Variants in MTFR1 observed in about 807,000 individuals in gnomAD.
The protein encoded by MTFR1 is chondrocyte protein with a poly-proline region.
Under a neutral mutation model 38.8 loss-of-function variants are expected in MTFR1, and 28 were observed. The ratio of observed to expected loss-of-function variants is 0.72; its 90% CI spans 0.53 to 0.99. MTFR1 has a LOEUF of 0.99. Among genes scored for constraint, MTFR1 ranks in the 50% least tolerant of loss-of-function variants. The pLI is 0.00. For missense variants in MTFR1, 358 were observed against 395.5 expected (o/e 0.91, Z 0.81); for synonymous variants, 145 against 137.0 (o/e 1.06, Z -0.41).
At chr8:65,752,540 T>C (rs1436877656) in intron 3 of MTFR1, among the ~76,000 whole-genome samples, 1 of 152,208 alleles carries the variant, frequency 6.6e-6, no homozygotes, top group Non-Finnish European at 1.5e-5. Flanking sequence ...TTTTTGCCCT[T>C]GTAAGTGACT....
chr8:65,768,386 G>T (rs1231237749), intron 3 of MTFR1, among the ~76,000 whole-genome samples: 1 of 152,046 alleles, frequency 6.6e-6, no homozygotes, highest in Non-Finnish European at 1.5e-5. Context: ...AATCATGGGG[G>T]TGCTAATTCT....
At chr8:65,697,169 G>A (rs1203813937) in intron 4 of MTFR1, among the ~76,000 whole-genome samples, 1 of 151,588 alleles carries the variant, frequency 6.6e-6, no homozygotes, top group Non-Finnish European at 1.5e-5. Flanking sequence ...ATTTTTAGTA[G>A]AGACGGAGTT....
chr8:65,712,645 G>A (rs1178763468), downstream of MTFR1, among the ~76,000 whole-genome samples: 1 of 152,172 alleles, frequency 6.6e-6, no homozygotes, highest in Non-Finnish European at 1.5e-5. Context: ...AGAAGATTAG[G>A]TAACCTGCCT....
At chr8:65,686,284 C>T (rs1006993018) in intron 3 of MTFR1, among the ~76,000 whole-genome samples, 2 of 152,108 alleles carry the variant, frequency 1.3e-5, no homozygotes, top group Admixed American at 6.6e-5. Context: ...AATTTTGACA[C>T]TGTGGAGCCC....
intron 3 of MTFR1, chr8:65,725,661 G>A (rs1158108906): frequency 6.6e-6 from 1 of 152,006 alleles, no homozygotes; most frequent in African/African-American, 2.4e-5. Flanking sequence ...GATCAGTAAA[G>A]AGCTGTCAAA....
chr8:65,742,321 C>T (rs1221584442), intron 3 of MTFR1, among the ~76,000 whole-genome samples: 3 of 152,208 alleles, frequency 2.0e-5, no homozygotes, highest in African/African-American at 7.2e-5. Flanking sequence ...CTAGTGTCCT[C>T]ATGAACCAGG....
intron 2 of MTFR1, chr8:65,679,552 G>T (rs988095496): frequency 1.3e-5 from 2 of 152,336 alleles, no homozygotes; most frequent in Admixed American, 6.5e-5. Context: ...GAACCTGGAG[G>T]GGGCAGAGGT....
chr8:65,743,102 T>C (rs1452355446), intron 3 of MTFR1, among the ~76,000 whole-genome samples: 2 of 152,120 alleles, frequency 1.3e-5, no homozygotes, highest in African/African-American at 2.4e-5. Context: ...AGTGTCCCAG[T>C]AGACTAATAA....
chr8:65,716,382 G>C (rs1806146364), intron 2 of MTFR1, among the ~76,000 whole-genome samples: 1 of 152,140 alleles, frequency 6.6e-6, no homozygotes, highest in Non-Finnish European at 1.5e-5. Context: ...AAGCTCAACT[G>C]AAACAAGGCT....
intron 3 of MTFR1, among the ~76,000 whole-genome samples, chr8:65,757,230 G>C (rs938186351): frequency 6.6e-6 from 1 of 152,268 alleles, no homozygotes; most frequent in South Asian, 2.1e-4. Flanking sequence ...GAGAAGGTCA[G>C]AGAAATTGTT....
chr8:65,678,387 G>C (rs1478798967), intron 2 of MTFR1, among the ~76,000 whole-genome samples: 1 of 152,044 alleles, frequency 6.6e-6, no homozygotes, highest in South Asian at 2.1e-4. Context: ...TCCAATAAAG[G>C]TTATGGCTCT....
intron 3 of MTFR1, chr8:65,689,535 C>T (rs1343647059): frequency 8.1e-7 from 1 of 1,237,088 alleles, no homozygotes; most frequent in Non-Finnish European, 1.0e-6. Flanking sequence ...TCTATCTCTT[C>T]ACTTTTTTTT....
upstream of MTFR1, among the ~76,000 whole-genome samples, chr8:65,644,569 C>G (rs1808894327): frequency 1.3e-5 from 2 of 152,238 alleles, no homozygotes; most frequent in South Asian, 4.1e-4. Context: ...TCCGCGCGTG[C>G]GCACACCGAC....
chr8:65,687,859 G>C (rs1805137379), intron 3 of MTFR1, among the ~76,000 whole-genome samples: 1 of 151,988 alleles, frequency 6.6e-6, no homozygotes, highest in African/African-American at 2.4e-5. Flanking sequence ...CAGCACTTTG[G>C]GAGGCCAAGG....
intron 4 of MTFR1, among the ~76,000 whole-genome samples, chr8:65,702,085 G>C (rs1805624769): frequency 6.6e-6 from 1 of 152,092 alleles, no homozygotes; most frequent in Admixed American, 6.5e-5. Flanking sequence ...GAAGGGTTGT[G>C]TTGAACAGAG....
chr8:65,723,579 CA>C, intron 3 of MTFR1: 3 of 1,583,480 alleles, frequency 1.9e-6, no homozygotes, highest in Non-Finnish European at 2.6e-6. Flanking sequence ...GTGACGATCG[CA>C]AAGTGGACTC....
At chr8:65,719,739 T>C (rs960328863) in intron 3 of MTFR1, 1 of 486,622 alleles carries the variant, frequency 2.1e-6, no homozygotes. Flanking sequence ...ATATCTAACC[T>C]TTTCTGGTTA....
rs1316918265 is a variant in MTFR1, at chr8:65,682,434, C to G, written c.148C>G (p.Pro50Ala). Residue 50 changes from proline to alanine, a missense_variant, in exon 3 of 8, where the codon CCA becomes GCA. Transcript: ENST00000262146. ...TACTAATTTGTCTCTGATTCAGTGT[C>G]CAAGAGTTCAGTTTCAGGTATTATA... ...IGTNLSLIQC[P>A]RVQFQINSHA... is the part of the protein sequence containing the mutation. 3.9e-6 allele frequency: 6 copies of G among 1,535,308 alleles called. No individual in the cohort carries two copies. In the African/African-American group the frequency reaches 6.9e-5, roughly 18 times the overall value.
chr8:65,729,364 C>CTTTTTT (rs10540107), intron 3 of MTFR1, among the ~76,000 whole-genome samples: 4 of 80,076 alleles, frequency 5.0e-5, no homozygotes, highest in Non-Finnish European at 9.2e-5. Flanking sequence ...TTGGTGGTAG[C>CTTTTTT]TTTTTTTTTT....
Sources: allele counts gnomAD v4.1 joint callset (sites outside exome capture counted in the v4.1 genomes callset), GRCh38; gene constraint gnomAD v4.1.1; transcripts MANE v1.5; gene names NCBI Gene and HGNC (gene_info 2026-07-23, HGNC 2026-07-21).